The following SFXN5 variants were observed in gnomAD, a reference collection of about 807,000 sequenced individuals.
SFXN5 encodes the protein sideroflexin-5.
SFXN5 carries 43 observed loss-of-function variants against 50.2 expected under a neutral mutation model. That is an observed-to-expected ratio of 0.86 (90% CI 0.67 to 1.11). SFXN5 has a LOEUF of 1.11. Among genes scored for constraint, SFXN5 ranks in the 50% least tolerant of loss-of-function variants. SFXN5 has a pLI of 0.00. For missense variants in SFXN5, 463 were observed against 454.1 expected, an observed-to-expected ratio of 1.02 and a Z score of -0.18; for synonymous variants, 203 against 185.8, an observed-to-expected ratio of 1.09 and a Z score of -0.75.
rs536839919 is a variant in SFXN5, at chr2:73,058,221, T to C, written c.171+307A>G. On this transcript the variant is annotated intron_variant, in intron 2 of 13. Transcript: ENST00000272433. ...ACTTTTCTAATGAGCAAATAACTTA[T>C]GTACTTGATAATAATTTCTTGAAAG... is the stretch of plus-strand genomic sequence containing the variant. 21 of 250,816 alleles carry C rather than the reference T, an allele frequency of 8.4e-5. 1 individual carries two copies. The South Asian group carries it at 1.7e-3, about 20-fold the overall frequency. 15.5% of individuals were successfully genotyped at this position (250,816 alleles called of 1,614,324 possible).
chr2:73,024,729 C>T (rs1203133633), intron 3 of SFXN5, among the ~76,000 whole-genome samples: 3 of 151,996 alleles, frequency 2.0e-5, no homozygotes, highest in African/African-American at 4.8e-5. Context: ...GAAGGCTATG[C>T]GGCTAGAAGG....
At position 72,988,330 on chromosome 2, in the gene SFXN5, C is replaced by A; in HGVS notation, c.553G>T (p.Val185Phe). Reference sequence around the variant, plus strand: ...GGGGTGAACTTGTTGGCTTTCTGAACCAGGACATTAAGGCCCACCTTTGAA... The same window carrying A: ...GGGGTGAACTTGTTGGCTTTCTGAAACAGGACATTAAGGCCCACCTTTGAA... The part of the protein sequence containing the change: ...VSIAVGLNVL[V>F]QKANKFTPAT... Residue 185 changes from valine (V) to phenylalanine (F), a missense_variant, in exon 10 of 14, where the codon GTT becomes TTT. Val to Phe is a conservative substitution (Grantham distance 50). Transcript: ENST00000272433. The A allele has an allele frequency of 6.2e-7, 1 of 1,613,776 alleles. No homozygotes were observed. Among genetic ancestry groups the A allele is most frequent in the Non-Finnish European group, 8.5e-7 (1 of 1,179,826 alleles).
chr2:73,050,385 A>AGCGCGC (rs796461818), intron 2 of SFXN5, among the ~76,000 whole-genome samples: 19 of 66,386 alleles, frequency 2.9e-4, no homozygotes, highest in East Asian at 9.8e-4. Flanking sequence ...CCGCAGCCAC[A>AGCGCGC]GCGCACGCAC....
intron 1 of SFXN5, 96 bp downstream of exon 1, chr2:73,071,508 G>T: frequency 2.6e-6 from 3 of 1,157,524 alleles, no homozygotes; most frequent in East Asian, 2.6e-5. Flanking sequence ...GCTGGCCGCG[G>T]GTGGGAGACC....
intron 3 of SFXN5, among the ~76,000 whole-genome samples, chr2:73,023,632 GAT>G (rs1677189636): frequency 6.6e-6 from 1 of 152,112 alleles, no homozygotes; most frequent in Non-Finnish European, 1.5e-5. Context: ...TTTTTTCAGA[GAT>G]AGCCTGGATT....
At chr2:73,003,139 G>A (rs574980172) in intron 6 of SFXN5, among the ~76,000 whole-genome samples, 32 of 152,178 alleles carry the variant, frequency 2.1e-4, no homozygotes, top group Non-Finnish European at 3.2e-4. Flanking sequence ...TAGCGGGGGT[G>A]GGGATGGGAC....
intron 1 of SFXN5, 46 bp downstream of exon 1, chr2:73,071,558 C>T (rs1246595138): frequency 6.3e-6 from 10 of 1,576,172 alleles, no homozygotes; most frequent in Non-Finnish European, 7.8e-6. Context: ...TTTGCTCGTC[C>T]TCTCTTTGCC....
At chr2:73,011,064 A>G (rs541997239) in intron 6 of SFXN5, among the ~76,000 whole-genome samples, 1 of 152,252 alleles carries the variant, frequency 6.6e-6, no homozygotes, top group Non-Finnish European at 1.5e-5. Flanking sequence ...AATACATCCA[A>G]GAGCTGATTC....
chr2:72,958,760 C>T (rs1171708351), intron 13 of SFXN5, among the ~76,000 whole-genome samples: 1 of 152,080 alleles, frequency 6.6e-6, no homozygotes, highest in African/African-American at 2.4e-5. Flanking sequence ...ATTTGGAGTC[C>T]CAGGCTGCAG....
At chr2:73,052,947 G>A (rs1049196921) in intron 2 of SFXN5, among the ~76,000 whole-genome samples, 2 of 152,234 alleles carry the variant, frequency 1.3e-5, no homozygotes, top group Non-Finnish European at 2.9e-5. Context: ...GGAGGCCAAG[G>A]CGGGCAGATC....
chr2:72,978,306 G>A (rs1250672334), intron 10 of SFXN5, among the ~76,000 whole-genome samples: 1 of 139,138 alleles, frequency 7.2e-6, no homozygotes, highest in Non-Finnish European at 1.5e-5. Context: ...TTTTTGAGAT[G>A]GAGTCTCACT....
In SFXN5 at chr2:73,003,037, C is replaced by G. The variant is rs927436881; in HGVS notation, c.358-1459G>C. Among the ~76,000 whole-genome samples, 5 of 152,124 alleles carry G rather than the reference C, an allele frequency of 3.3e-5. No individual in the cohort carries two copies. The East Asian group carries it at 9.6e-4, about 29-fold the overall frequency. On this transcript the variant is annotated intron_variant, in intron 6 of 13. Coordinates refer to ENST00000272433, the MANE Select transcript of SFXN5 (RefSeq NM_144579.3). ...GAGACGGTCTTTTCTGTAATGGGATCCCATCTGCTAAGGAGTATCCCAGGA... is the reference window on the plus strand; with the variant it reads ...GAGACGGTCTTTTCTGTAATGGGATGCCATCTGCTAAGGAGTATCCCAGGA...
chr2:72,967,313 G>A (rs1380703552), intron 12 of SFXN5: 2 of 152,212 alleles, frequency 1.3e-5, no homozygotes, highest in African/African-American at 2.4e-5. Context: ...GTGCCTCATG[G>A]AGATGACATT....
At chr2:73,060,096 T>C (rs13406318) in intron 1 of SFXN5, among the ~76,000 whole-genome samples, 4,697 of 152,068 alleles carry the variant, frequency 0.031, 240 homozygotes, top group African/African-American at 0.11. Flanking sequence ...AGATACTAAG[T>C]GAAAAGCAAA....
chr2:73,063,297 C>T (rs1291696950), intron 1 of SFXN5, among the ~76,000 whole-genome samples: 4 of 152,126 alleles, frequency 2.6e-5, no homozygotes, highest in Non-Finnish European at 5.9e-5. Flanking sequence ...ACTATAGAGA[C>T]AAACCTATAG....
chr2:73,029,757 G>A (rs1048532378), intron 3 of SFXN5, among the ~76,000 whole-genome samples: 2 of 152,210 alleles, frequency 1.3e-5, no homozygotes, highest in Non-Finnish European at 2.9e-5. Context: ...GAGGCTCAGA[G>A]AGATTAAGTG....
rs200598333 is a variant in SFXN5, at chr2:73,022,564, G to A, written c.289C>T (p.Pro97Ser). ...ATGAAGATCTTCTCATTGGTGTCCGGATGTAGAATAGCCTGGCAAAAGCAG... is the reference window on the plus strand; with the variant it reads ...ATGAAGATCTTCTCATTGGTGTCCGAATGTAGAATAGCCTGGCAAAAGCAG... The part of the protein sequence containing the change: ...AQKIKQAILH[P>S]DTNEKIFMPF... The change falls in exon 5 of 14, where the codon CCG becomes TCG. Residue 97 changes from proline to serine, a missense_variant. Transcript: ENST00000272433. 2 of 1,378,538 alleles carry A rather than the reference G, an allele frequency of 1.5e-6. No homozygotes were observed. The highest frequency in any genetic ancestry group is 4.3e-5 in the East Asian group (1 of 23,396). The allele number at this position is 1,378,538 out of a possible 1,614,324, so 85.4% of individuals were successfully genotyped here.
At chr2:72,968,880 T>C (rs1180003880) in intron 11 of SFXN5, among the ~76,000 whole-genome samples, 1 of 151,392 alleles carries the variant, frequency 6.6e-6, no homozygotes, top group East Asian at 2.0e-4. Context: ...TCAGCTCACT[T>C]CAACCTCTGC....
intron 13 of SFXN5, among the ~76,000 whole-genome samples, chr2:72,947,449 G>A (rs1190611009): frequency 6.6e-6 from 1 of 152,192 alleles, no homozygotes; most frequent in African/African-American, 2.4e-5. Flanking sequence ...GGTCCCCGCC[G>A]GACATTTGCC....
Sources: gnomAD v4.1 joint callset for allele counts (sites outside exome capture counted in the v4.1 genomes callset) on GRCh38, gnomAD v4.1.1 for gene constraint, MANE v1.5 for transcripts, NCBI Gene and HGNC (gene_info 2026-07-23, HGNC 2026-07-21) for gene names.